The following PLBD1 variants were observed in gnomAD, a reference collection of about 807,000 sequenced individuals.
The protein encoded by PLBD1 is lysosomal leucine aminopeptidase.
Under a neutral mutation model 63.0 loss-of-function variants are expected in PLBD1, and 60 were observed. That is an observed-to-expected ratio of 0.95 (90% confidence interval 0.77 to 1.18). The LOEUF is 1.18. PLBD1 is among the 50% of genes most tolerant of loss of function. PLBD1 has a pLI of 0.00. For synonymous variants in PLBD1, 262 were observed against 248.0 expected (o/e 1.06, Z -0.53); for missense variants, 598 against 677.9 (o/e 0.88, Z 1.31).
intron 2 of PLBD1, among the ~76,000 whole-genome samples, chr12:14,547,643 C>T (rs1945625466): frequency 6.6e-6 from 1 of 152,184 alleles, no homozygotes. Flanking sequence ...TGAGATTTTG[C>T]TCACATTTAC....
At chr12:14,545,243 C>A (rs1012171923) in intron 2 of PLBD1, among the ~76,000 whole-genome samples, 1 of 152,264 alleles carries the variant, frequency 6.6e-6, no homozygotes, top group African/African-American at 2.4e-5. Context: ...ACTTACATCA[C>A]CAACACTATT....
At chr12:14,546,317 CA>C (rs1330770189) in intron 2 of PLBD1, among the ~76,000 whole-genome samples, 4,509 of 88,566 alleles carry the variant, frequency 0.051, 190 homozygotes, top group African/African-American at 0.15. Context: ...GATTCTGTCT[CA>C]AAAAAAAAAA....
chr12:14,520,462 A>G (rs1320991080), intron 6 of PLBD1, among the ~76,000 whole-genome samples: 1 of 147,090 alleles, frequency 6.8e-6, no homozygotes, highest in East Asian at 1.9e-4. Flanking sequence ...TTGCCTGTTA[A>G]AAACAACAAC....
chr12:14,556,207 G>A (rs1023601664), intron 1 of PLBD1, among the ~76,000 whole-genome samples: 1 of 152,194 alleles, frequency 6.6e-6, no homozygotes, highest in African/African-American at 2.4e-5. Context: ...GATGGATGTT[G>A]TATCATTTAC....
intron 8 of PLBD1, among the ~76,000 whole-genome samples, chr12:14,509,652 T>C (rs138629172): frequency 6.6e-6 from 1 of 152,266 alleles, no homozygotes; most frequent in Non-Finnish European, 1.5e-5. Flanking sequence ...CAAAGTCAAT[T>C]TGGGGACCTG....
intron 10 of PLBD1, among the ~76,000 whole-genome samples, chr12:14,505,649 T>G (rs1945248674): frequency 6.6e-6 from 1 of 152,230 alleles, no homozygotes; most frequent in East Asian, 1.9e-4. Flanking sequence ...ATTACAGCAC[T>G]TATCAATTCT....
intron 6 of PLBD1, among the ~76,000 whole-genome samples, chr12:14,520,093 G>T (rs1291536332): frequency 6.6e-6 from 1 of 152,174 alleles, no homozygotes; most frequent in Non-Finnish European, 1.5e-5. Context: ...AATGAGAAGG[G>T]TTTTCCCTTG....
At chr12:14,522,448 C>T (rs991611810) in intron 6 of PLBD1, among the ~76,000 whole-genome samples, 1 of 152,110 alleles carries the variant, frequency 6.6e-6, no homozygotes, top group Non-Finnish European at 1.5e-5. Context: ...AAAACTAATA[C>T]AAATCCTTTG....
chr12:14,506,022 A>G, intron 10 of PLBD1, 140 bp downstream of exon 10: 1 of 566,144 alleles, frequency 1.8e-6, no homozygotes, highest in Admixed American at 3.4e-5. Context: ...ACCTACCACC[A>G]GAATCTCTGA....
At chr12:14,529,860 T>C (rs1377330069) in intron 6 of PLBD1, among the ~76,000 whole-genome samples, 3 of 152,156 alleles carry the variant, frequency 2.0e-5, no homozygotes, top group African/African-American at 7.2e-5. Context: ...ATTGTATATA[T>C]AGAAAATCCC....
intron 2 of PLBD1, among the ~76,000 whole-genome samples, chr12:14,548,720 T>C (rs891405238): frequency 6.6e-6 from 1 of 152,204 alleles, no homozygotes; most frequent in Admixed American, 6.5e-5. Context: ...TAAAAGGAGT[T>C]GCCTTTGAAG....
At chr12:14,522,552 A>C (rs1945384793) in intron 6 of PLBD1, among the ~76,000 whole-genome samples, 1 of 152,152 alleles carries the variant, frequency 6.6e-6, no homozygotes, top group Admixed American at 6.5e-5. Context: ...ATAAGGACAC[A>C]ACAAATAAAT....
intron 2 of PLBD1, among the ~76,000 whole-genome samples, chr12:14,543,599 C>T (rs1410730243): frequency 6.6e-6 from 1 of 152,016 alleles, no homozygotes; most frequent in Non-Finnish European, 1.5e-5. Context: ...GAGGCGTGCA[C>T]CTGTAATCCC....
intron 6 of PLBD1, among the ~76,000 whole-genome samples, chr12:14,514,915 A>T (rs1240950741): frequency 6.6e-6 from 1 of 152,126 alleles, no homozygotes; most frequent in Admixed American, 6.5e-5. Flanking sequence ...GCAGCTTTGG[A>T]AGGCAGATTG....
At chr12:14,519,852 T>C (rs377371215) in intron 6 of PLBD1, among the ~76,000 whole-genome samples, 2 of 152,168 alleles carry the variant, frequency 1.3e-5, no homozygotes, top group African/African-American at 4.8e-5. Flanking sequence ...ATATAGCCCA[T>C]ACCCAACTCT....
intron 8 of PLBD1, among the ~76,000 whole-genome samples, chr12:14,509,878 C>A (rs1945283211): frequency 6.6e-6 from 1 of 152,078 alleles, no homozygotes; most frequent in Non-Finnish European, 1.5e-5. Context: ...CTCAATAAAT[C>A]TATCTATTTA....
Position 14,556,989 on chromosome 12 carries a change from C to CAAAAAAAA in PLBD1, c.116-3585_116-3578dup, listed in dbSNP as rs71038607. Among the ~76,000 whole-genome samples, 4 of 76,308 alleles carry CAAAAAAAA rather than the reference C, an allele frequency of 5.2e-5. 1 individual carries two copies. Among genetic ancestry groups the CAAAAAAAA allele is most frequent in the Non-Finnish European group, 7.0e-5 (3 of 42,996 alleles). The allele number at this position is 76,308 out of a possible 152,430, so 50.1% of individuals were successfully genotyped here. On this transcript the variant is annotated intron_variant, in intron 1 of 10. Coordinates refer to ENST00000240617, the MANE Select transcript of PLBD1 (RefSeq NM_024829.6). Reference sequence around the variant, plus strand: ...AACAAACAAGAGCGGAATTCCCTCTCAAAAAAAAAAAAAAAAAAAAGACTG... The same window carrying CAAAAAAAA: ...AACAAACAAGAGCGGAATTCCCTCTCAAAAAAAAAAAAAAAAAAAAAAAAAAAAGACTG...
At chr12:14,507,187 A>G (rs1429315215) in intron 8 of PLBD1, 69 bp from the exon 9 acceptor site, 3 of 1,175,118 alleles carry the variant, frequency 2.6e-6, no homozygotes, top group African/African-American at 1.5e-5. Flanking sequence ...AGAGAGAGCA[A>G]AAGAAATGTT....
chr12:14,566,412 A>C (rs12300979), intron 1 of PLBD1, among the ~76,000 whole-genome samples: 382 of 152,300 alleles, frequency 2.5e-3, no homozygotes, highest in African/African-American at 8.3e-3. Context: ...ATCCTCCCCC[A>C]AGCCCCACCC....
Sources: gnomAD v4.1 joint callset for allele counts (sites outside exome capture counted in the v4.1 genomes callset) on GRCh38, gnomAD v4.1.1 for gene constraint, MANE v1.5 for transcripts, NCBI Gene and HGNC (gene_info 2026-07-23, HGNC 2026-07-21) for gene names.